The following CA8 variants were observed in gnomAD, a reference collection of about 807,000 sequenced individuals.
CA8 encodes the protein carbonic anhydrase 8 (inactive).
Under a neutral mutation model 41.4 loss-of-function variants are expected in CA8, and 22 were observed. The observed-to-expected ratio is 0.53, with a 90% CI of 0.38 to 0.76. CA8 has a LOEUF of 0.76. CA8 is among the 30% of genes least tolerant of loss of function. CA8 has a pLI of 0.00. For synonymous variants in CA8, 121 were observed against 130.6 expected, an observed-to-expected ratio of 0.93 and a Z score of 0.50; for missense variants, 270 against 352.8, an observed-to-expected ratio of 0.77 and a Z score of 1.88.
intron 4 of CA8, among the ~76,000 whole-genome samples, chr8:60,228,463 G>T (rs953114031): frequency 6.6e-6 from 1 of 152,130 alleles, no homozygotes; most frequent in African/African-American, 2.4e-5. Context: ...ATCTCCTGTT[G>T]GGTTGTAAAC....
intron 8 of CA8, among the ~76,000 whole-genome samples, chr8:60,205,795 A>T (rs1806557631): frequency 6.6e-6 from 1 of 152,202 alleles, no homozygotes; most frequent in African/African-American, 2.4e-5. Flanking sequence ...TCTAAAACTA[A>T]AGTTATTTCA....
At chr8:60,234,130 T>C (rs569849441) in intron 3 of CA8, among the ~76,000 whole-genome samples, 1 of 152,304 alleles carries the variant, frequency 6.6e-6, no homozygotes, top group South Asian at 2.1e-4. Flanking sequence ...TACTGCTGTG[T>C]TTTCTCTCAA....
At chr8:60,247,125 C>T (rs565613787) in intron 3 of CA8, among the ~76,000 whole-genome samples, 3 of 152,136 alleles carry the variant, frequency 2.0e-5, no homozygotes, top group African/African-American at 4.8e-5. Flanking sequence ...CCTCATGATC[C>T]GCCCATCTCG....
chr8:60,208,649 C>A, intron 8 of CA8, 101 bp downstream of exon 8: 2 of 1,010,586 alleles, frequency 2.0e-6, no homozygotes, highest in Non-Finnish European at 3.1e-6. Flanking sequence ...GAAGTACATA[C>A]GCTTTTATTA....
At chr8:60,270,915 C>T (rs1358428531) in intron 2 of CA8, among the ~76,000 whole-genome samples, 1 of 152,152 alleles carries the variant, frequency 6.6e-6, no homozygotes, top group African/African-American at 2.4e-5. Flanking sequence ...TAAATATCTT[C>T]AGCTCTTAAG....
chr8:60,216,937 G>A (rs1807041087), intron 7 of CA8, among the ~76,000 whole-genome samples: 1 of 152,198 alleles, frequency 6.6e-6, no homozygotes, highest in Non-Finnish European at 1.5e-5. Flanking sequence ...AGGCTGGAGT[G>A]GAGTGGTACA....
At chr8:60,235,456 A>G (rs530759814) in intron 3 of CA8, among the ~76,000 whole-genome samples, 1 of 152,364 alleles carries the variant, frequency 6.6e-6, no homozygotes, top group South Asian at 2.1e-4. Flanking sequence ...TGAATTTGGC[A>G]GGGACACAAT....
At chr8:60,228,079 T>C (rs1192064094) in intron 4 of CA8, among the ~76,000 whole-genome samples, 1 of 152,222 alleles carries the variant, frequency 6.6e-6, no homozygotes. Context: ...TTACATTCTC[T>C]GTTTCTCCCA....
intron 2 of CA8, among the ~76,000 whole-genome samples, chr8:60,266,855 T>C (rs778832929): frequency 3.3e-5 from 5 of 152,214 alleles, no homozygotes; most frequent in Non-Finnish European, 7.4e-5. Context: ...AAATAAATGG[T>C]CAATTTCAAT....
chr8:60,260,951 G>A (rs1287450616), intron 3 of CA8, among the ~76,000 whole-genome samples: 1 of 152,050 alleles, frequency 6.6e-6, no homozygotes, highest in African/African-American at 2.4e-5. Flanking sequence ...CCTTAGAATA[G>A]TAAAATACAT....
rs1394076529 is a variant in CA8 at position 60,249,018 on chromosome 8, A to G, written c.418-16639T>C. Among the ~76,000 whole-genome samples the G allele has an allele frequency of 3.3e-5, 5 of 152,110 alleles. No individual in the cohort carries two copies. In the East Asian group the frequency reaches 7.7e-4, roughly 23 times the overall value. On this transcript the variant is annotated intron_variant, in intron 3 of 8. Transcript: ENST00000317995. ...TTCCCAGCTATTTTATTCCCTTTGT[A>G]GCAATTGTGAATGGGAGTTTATTCA...
intron 7 of CA8, among the ~76,000 whole-genome samples, chr8:60,216,341 C>T (rs1001348825): frequency 4.6e-5 from 7 of 152,138 alleles, no homozygotes; most frequent in African/African-American, 7.2e-5. Flanking sequence ...TTTTAATATA[C>T]GTAAATGTGT....
intron 7 of CA8, 111 bp from the exon 8 acceptor site, chr8:60,209,030 G>A: frequency 3.3e-6 from 4 of 1,215,286 alleles, no homozygotes; most frequent in Middle Eastern, 2.0e-4. Flanking sequence ...AATTATTGAA[G>A]AGAAAATTAA....
At chr8:60,221,698 GT>G (rs1198775693) in intron 7 of CA8, among the ~76,000 whole-genome samples, 1 of 152,174 alleles carries the variant, frequency 6.6e-6, no homozygotes, top group Non-Finnish European at 1.5e-5. Flanking sequence ...ATAATGAAGG[GT>G]ATGGGGAGGA....
intron 2 of CA8, among the ~76,000 whole-genome samples, chr8:60,274,780 A>G (rs1252562076): frequency 6.6e-6 from 1 of 152,150 alleles, no homozygotes; most frequent in East Asian, 1.9e-4. Flanking sequence ...TAGGACAAAT[A>G]AATTTCTATT....
chr8:60,233,541 A>G (rs988592005), intron 3 of CA8, among the ~76,000 whole-genome samples: 1 of 152,232 alleles, frequency 6.6e-6, no homozygotes, highest in African/African-American at 2.4e-5. Flanking sequence ...ACTACCCAGT[A>G]AATGCAACTG....
At chr8:60,268,039 C>T (rs1262536966) in intron 2 of CA8, among the ~76,000 whole-genome samples, 2 of 152,122 alleles carry the variant, frequency 1.3e-5, no homozygotes, top group African/African-American at 4.8e-5. Flanking sequence ...CCACTGTGTA[C>T]CCCACCTCCC....
At chr8:60,277,073 C>T (rs958001290) in intron 2 of CA8, among the ~76,000 whole-genome samples, 5 of 149,242 alleles carry the variant, frequency 3.4e-5, no homozygotes, top group African/African-American at 1.2e-4. Flanking sequence ...TGAGTCAAGA[C>T]GCACCATTGC....
chr8:60,270,197 C>T (rs971569452), intron 2 of CA8, among the ~76,000 whole-genome samples: 3 of 152,142 alleles, frequency 2.0e-5, no homozygotes, highest in Non-Finnish European at 4.4e-5. Flanking sequence ...AAGTATTATT[C>T]GTGCAGTATC....
Sources: allele counts gnomAD v4.1 joint callset (sites outside exome capture counted in the v4.1 genomes callset), GRCh38; gene constraint gnomAD v4.1.1; transcripts MANE v1.5; gene names NCBI Gene and HGNC (gene_info 2026-07-23, HGNC 2026-07-21).